CRACD: variants seen among roughly 807,000 people sequenced by gnomAD.
CRACD encodes capping protein-inhibiting regulator of actin dynamics.
In CRACD, 56 loss-of-function variants were observed where a neutral mutation model predicts 106.8. That is an observed-to-expected ratio of 0.52 (90% CI 0.42 to 0.66). The LOEUF is 0.66. CRACD is among the 30% of genes least tolerant of loss of function. CRACD has a pLI of 0.00. For missense variants in CRACD, 1,730 were observed against 1,623.2 expected (o/e 1.07, Z -1.13); for synonymous variants, 754 against 670.8 (o/e 1.12, Z -1.92).
intron 1 of CRACD, among the ~76,000 whole-genome samples, chr4:56,094,048 A>T (rs1733512472): frequency 6.6e-6 from 1 of 152,208 alleles, no homozygotes; most frequent in South Asian, 2.1e-4. Context: ...ATTGGATGGA[A>T]AGGTTCGCAT....
At chr4:56,247,879 C>T (rs1030966425) in intron 2 of CRACD, among the ~76,000 whole-genome samples, 1 of 151,680 alleles carries the variant, frequency 6.6e-6, no homozygotes, top group Non-Finnish European at 1.5e-5. Flanking sequence ...GAGAGAGAAT[C>T]CTATTGTGAA....
chr4:56,086,514 C>T (rs1417513961), intron 1 of CRACD, among the ~76,000 whole-genome samples: 2 of 152,176 alleles, frequency 1.3e-5, no homozygotes, highest in Non-Finnish European at 2.9e-5. Flanking sequence ...GAAGTGTCCC[C>T]TTAGCTCATG....
intron 1 of CRACD, among the ~76,000 whole-genome samples, chr4:56,062,454 A>G (rs1437219338): frequency 2.0e-5 from 3 of 152,198 alleles, no homozygotes; most frequent in Non-Finnish European, 4.4e-5. Context: ...CCCTGGTGAT[A>G]CGAAATGGTT....
chr4:56,080,278 C>T (rs1053599890), intron 1 of CRACD, among the ~76,000 whole-genome samples: 2 of 152,144 alleles, frequency 1.3e-5, no homozygotes, highest in South Asian at 4.1e-4. Flanking sequence ...TGTTTGCTTA[C>T]CTCTGGAAAG....
At chr4:56,264,293 C>A (rs1277306542) in intron 2 of CRACD, among the ~76,000 whole-genome samples, 1 of 152,006 alleles carries the variant, frequency 6.6e-6, no homozygotes, top group Admixed American at 6.6e-5. Flanking sequence ...CATATCACTC[C>A]CCTACTTCAA....
At position 56,242,846 on chromosome 4, in the gene CRACD, A is replaced by G. The variant is rs147144315; in HGVS notation, c.-188-29475A>G. 3.9e-5 allele frequency among the ~76,000 whole-genome samples: 6 copies of G among 152,280 alleles called. No individual in the cohort carries two copies. In the East Asian group the frequency reaches 9.7e-4, roughly 25 times the overall value. ...TAGCAGGCGAGGGAGGGTAGGAACG[A>G]GGACCCTATGTGAAAACAAGGGAGT... is the stretch of plus-strand genomic sequence containing the variant. On this transcript the variant is annotated intron_variant, in intron 2 of 10. Coordinates refer to ENST00000682029, the MANE Select transcript of CRACD (RefSeq NM_001393381.1).
chr4:56,276,940 GGAGAATAT>G (rs1742706842), intron 3 of CRACD, among the ~76,000 whole-genome samples: 2 of 152,230 alleles, frequency 1.3e-5, no homozygotes, highest in Admixed American at 1.3e-4. Context: ...AAGGAGTTCT[GGAGAATAT>G]GAGCTCACTT....
At chr4:56,286,243 A>G (rs1743332262) in intron 3 of CRACD, among the ~76,000 whole-genome samples, 1 of 151,998 alleles carries the variant, frequency 6.6e-6, no homozygotes, top group African/African-American at 2.4e-5. Context: ...AAATACCAAA[A>G]TTAGACGAGT....
At chr4:56,105,210 G>C (rs940840709) in intron 1 of CRACD, among the ~76,000 whole-genome samples, 1 of 152,048 alleles carries the variant, frequency 6.6e-6, no homozygotes, top group Non-Finnish European at 1.5e-5. Flanking sequence ...ATGAAATAAT[G>C]TTTGCTGGCA....
At chr4:56,278,983 T>C (rs1248989567) in intron 3 of CRACD, among the ~76,000 whole-genome samples, 1 of 152,106 alleles carries the variant, frequency 6.6e-6, no homozygotes, top group Non-Finnish European at 1.5e-5. Flanking sequence ...GCAAAAAAGA[T>C]AGACAGTAAC....
At chr4:56,165,625 T>C (rs1736113750) in intron 1 of CRACD, among the ~76,000 whole-genome samples, 1 of 152,146 alleles carries the variant, frequency 6.6e-6, no homozygotes, top group Non-Finnish European at 1.5e-5. Context: ...CAGTACTTCA[T>C]GCATTAGGGA....
intron 2 of CRACD, among the ~76,000 whole-genome samples, chr4:56,223,433 G>A (rs1739148912): frequency 6.6e-6 from 1 of 152,038 alleles, no homozygotes. Context: ...CTTCCATCAG[G>A]GACAGATCAT....
chr4:56,314,493 G>A lies in CRACD; in HGVS notation c.991G>A (p.Glu331Lys). ...TCTGCAGGCCCAGGCCCAAGCGGAG[G>A]AGAGGCGGCGGCTGGAGGAGGACGC... is the stretch of plus-strand genomic sequence containing the variant. ...RRLQAQAQAE[E>K]RRRLEEDARL... Residue 331 changes from glutamate (E) to lysine (K), a missense_variant, in exon 8 of 11, where the codon GAG becomes AAG. Around this residue, in one of 5 missense-constraint regions of CRACD, gnomAD observed 1,620 missense variants for 1,481.6 expected, o/e 1.09. Transcript: ENST00000682029. This position sits in a 1 kb window ranked among gnomAD's most constrained non-coding sequence, Gnocchi z 4.4. The A allele has an allele frequency of 6.6e-7, 1 of 1,521,846 alleles. No homozygotes were observed. The highest frequency in any genetic ancestry group is 8.8e-7 in the Non-Finnish European group (1 of 1,137,572). The allele number at this position is 1,521,846 out of a possible 1,614,324, so 94.3% of individuals were successfully genotyped here.
intron 1 of CRACD, among the ~76,000 whole-genome samples, chr4:56,104,200 C>G (rs1314600721): frequency 7.2e-5 from 11 of 151,974 alleles, no homozygotes. Context: ...AGTTTGAGAC[C>G]AGCCTGAGCA....
chr4:56,186,636 A>C (rs1181371778), intron 2 of CRACD, among the ~76,000 whole-genome samples: 1 of 152,174 alleles, frequency 6.6e-6, no homozygotes, highest in Non-Finnish European at 1.5e-5. Context: ...ATATGAAGTA[A>C]GCATACTGTT....
intron 5 of CRACD, 32 bp from the exon 6 acceptor site, chr4:56,310,634 C>T: frequency 6.7e-7 from 1 of 1,503,724 alleles, no homozygotes; most frequent in Non-Finnish European, 9.3e-7. Flanking sequence ...CCTGTTCAGG[C>T]CTTTGACTTG....
chr4:56,283,409 G>A (rs1743146843), intron 3 of CRACD, among the ~76,000 whole-genome samples: 2 of 152,200 alleles, frequency 1.3e-5, no homozygotes, highest in Admixed American at 6.5e-5. Context: ...CTCCCTGAAA[G>A]CTCCTTCCCT....
chr4:56,162,860 G>A (rs1325362481), intron 1 of CRACD, among the ~76,000 whole-genome samples: 1 of 152,194 alleles, frequency 6.6e-6, no homozygotes, highest in Admixed American at 6.5e-5. Context: ...TTAGGGATTG[G>A]CAAACTTCTT....
intron 2 of CRACD, among the ~76,000 whole-genome samples, chr4:56,200,935 A>AGTT (rs1577734363): frequency 6.6e-6 from 1 of 152,342 alleles, no homozygotes; most frequent in East Asian, 1.9e-4. Flanking sequence ...TAATTTCAGA[A>AGTT]TTAAAATTTA....
Sources: allele counts gnomAD v4.1 joint callset (sites outside exome capture counted in the v4.1 genomes callset), GRCh38; gene constraint gnomAD v4.1.1; regional missense constraint gnomAD v4.1.1; non-coding constraint Gnocchi (gnomAD v3.1); transcripts MANE v1.5; gene names NCBI Gene and HGNC (gene_info 2026-07-23, HGNC 2026-07-21).